Variants in PRKD1 observed in about 807,000 individuals in gnomAD.
PRKD1 encodes protein kinase D1.
In PRKD1, 63 loss-of-function variants were observed where a neutral mutation model predicts 95.9. The observed-to-expected ratio is 0.66, with a 90% CI of 0.54 to 0.81. The LOEUF (loss-of-function observed/expected upper bound fraction) is 0.81, where lower values mean the gene tolerates loss of function less well. Ranked by LOEUF, PRKD1 falls within the 30% of genes least tolerant of loss-of-function variation. PRKD1 has a pLI of 0.00. For synonymous variants in PRKD1, 425 were observed against 423.1 expected (o/e 1.00, Z -0.05); for missense variants, 1,048 against 1,165.3 (o/e 0.90, Z 1.47).
intron 2 of PRKD1, among the ~76,000 whole-genome samples, chr14:29,705,981 C>A (rs1464436515): frequency 6.6e-6 from 1 of 151,938 alleles, no homozygotes; most frequent in Non-Finnish European, 1.5e-5. Flanking sequence ...GGGTATAAAC[C>A]AAGAAGTAGA....
At chr14:29,859,937 T>C (rs982410806) in intron 1 of PRKD1, among the ~76,000 whole-genome samples, 1 of 152,248 alleles carries the variant, frequency 6.6e-6, no homozygotes, top group African/African-American at 2.4e-5. Flanking sequence ...TATTCACATA[T>C]ATCTGAATGA....
chr14:29,661,643 G>A (rs1426535379), intron 4 of PRKD1, among the ~76,000 whole-genome samples: 4 of 152,080 alleles, frequency 2.6e-5, no homozygotes, highest in Admixed American at 2.0e-4. Flanking sequence ...ACCCCATAAG[G>A]ACACAAAGGG....
At position 29,843,646 on chromosome 14, in the gene PRKD1, A is replaced by G. The variant is rs72660425; in HGVS notation, c.264+83603T>C. ...CAACAAACATTTATTGAGCATCTAT[A>G]CTATGTGCCAGGTACTATTCTATGA... On this transcript the variant is annotated intron_variant, in intron 1 of 17. Transcript: ENST00000331968. 5.1e-3 allele frequency among the ~76,000 whole-genome samples: 780 copies of G among 152,342 alleles called. 4 individuals are homozygous for G. The highest frequency in any genetic ancestry group is 0.021 in the South Asian group (103 of 4,832).
At chr14:29,871,150 T>C (rs1893092233) in intron 1 of PRKD1, among the ~76,000 whole-genome samples, 1 of 152,210 alleles carries the variant, frequency 6.6e-6, no homozygotes, top group Admixed American at 6.5e-5. Flanking sequence ...AGGGAGCCTC[T>C]GCTCAAAACT....
Position 29,638,584 on chromosome 14 carries a change from CAAACA to C in PRKD1, c.908-23_908-19del. On this transcript the variant is annotated intron_variant, in intron 5 of 17. Coordinates refer to ENST00000331968, the MANE Select transcript of PRKD1 (RefSeq NM_002742.3). ...TCTGCAATCTAATCCCAGTGATTTT[CAAACA>C]AAACAAAATGAGAATTTGTCATAAA... 6.2e-7 allele frequency: 1 copy of C among 1,613,904 alleles called. No individual in the cohort carries two copies. Among genetic ancestry groups the C allele is most frequent in the Non-Finnish European group, 8.5e-7 (1 of 1,179,816 alleles).
At chr14:29,684,228 G>A (rs1269818627) in intron 2 of PRKD1, among the ~76,000 whole-genome samples, 3 of 148,440 alleles carry the variant, frequency 2.0e-5, no homozygotes, top group Non-Finnish European at 3.0e-5. Flanking sequence ...TCGGCTCACT[G>A]CAACCTCTGC....
intron 15 of PRKD1, among the ~76,000 whole-genome samples, chr14:29,598,028 C>T (rs140971358): frequency 6.6e-5 from 10 of 152,166 alleles, no homozygotes; most frequent in Admixed American, 5.9e-4. Flanking sequence ...GTAATTCTAA[C>T]ATTTTGGGAG....
In PRKD1 at chr14:29,841,348, CG is replaced by C. The variant is rs1345269259; in HGVS notation, c.264+85900del. On this transcript the variant is annotated intron_variant, in intron 1 of 17. Coordinates refer to ENST00000331968, the MANE Select transcript of PRKD1 (RefSeq NM_002742.3). Reference sequence around the variant, plus strand: ...AAAGGACATGAGATTTTGGATGGGCCGGGGCAGAATTATATGGTTTGGTTGT... The same window carrying C: ...AAAGGACATGAGATTTTGGATGGGCCGGGCAGAATTATATGGTTTGGTTGT... Among the ~76,000 whole-genome samples, 5 of 152,054 alleles carry C rather than the reference CG, an allele frequency of 3.3e-5. No homozygotes were observed. The East Asian group carries it at 9.7e-4, about 29-fold the overall frequency.
At chr14:29,835,453 T>A (rs1423619178) in intron 1 of PRKD1, among the ~76,000 whole-genome samples, 1 of 152,218 alleles carries the variant, frequency 6.6e-6, no homozygotes, top group East Asian at 1.9e-4. Context: ...CAACTTTGAC[T>A]AAAAATTTGC....
At chr14:29,703,960 C>CTT (rs1175853793) in intron 2 of PRKD1, among the ~76,000 whole-genome samples, 2 of 152,176 alleles carry the variant, frequency 1.3e-5, no homozygotes, top group Admixed American at 6.5e-5. Flanking sequence ...CAAGCCAGTG[C>CTT]TTTCACTGGG....
intron 1 of PRKD1, among the ~76,000 whole-genome samples, chr14:29,779,579 A>C (rs1452634361): frequency 3.3e-5 from 5 of 152,192 alleles, no homozygotes; most frequent in Admixed American, 3.3e-4. Flanking sequence ...CCAACTTACA[A>C]GGGATGTGAA....
chr14:29,650,383 A>T (rs1191024617), intron 4 of PRKD1: 9 of 152,312 alleles, frequency 5.9e-5, no homozygotes, highest in Non-Finnish European at 8.8e-5. Context: ...CTGGAAGGGC[A>T]CCGGGACATG....
intron 1 of PRKD1, among the ~76,000 whole-genome samples, chr14:29,732,356 T>G (rs923132791): frequency 4.0e-5 from 6 of 149,658 alleles, no homozygotes; most frequent in Non-Finnish European, 9.0e-5. Flanking sequence ...GGTTTATTTG[T>G]ATAATTATCC....
intron 1 of PRKD1, among the ~76,000 whole-genome samples, chr14:29,758,290 G>A (rs913501459): frequency 3.3e-5 from 5 of 152,140 alleles, no homozygotes; most frequent in Non-Finnish European, 5.9e-5. Context: ...ATTATCAGCA[G>A]CAAGACTGAG....
In PRKD1 at chr14:29,881,572, T is replaced by C. The variant is rs148446526; in HGVS notation, c.264+45677A>G. Among the ~76,000 whole-genome samples the C allele has an allele frequency of 4.5e-3, 688 of 152,294 alleles. 9 individuals are homozygous for C. The highest frequency in any genetic ancestry group is 4.5e-3 in the Non-Finnish European group (304 of 68,022). On this transcript the variant is annotated intron_variant, in intron 1 of 17. Transcript: ENST00000331968. ...ATTTTGCTTTTTATTTTTTTTGTTT[T>C]GTTTTGCTTCTGGTTTGTTTTGTTG...
intron 1 of PRKD1, among the ~76,000 whole-genome samples, chr14:29,838,501 G>A (rs1449979497): frequency 1.3e-5 from 2 of 152,024 alleles, no homozygotes; most frequent in African/African-American, 4.8e-5. Flanking sequence ...ACATATAAGA[G>A]GTTTCCTTAG....
chr14:29,886,802 A>G (rs1893723135), intron 1 of PRKD1, among the ~76,000 whole-genome samples: 1 of 152,244 alleles, frequency 6.6e-6, no homozygotes. Flanking sequence ...CAAAAGGTAG[A>G]CTGAACAATT....
chr14:29,841,182 T>C (rs570160294), intron 1 of PRKD1, among the ~76,000 whole-genome samples: 1 of 152,354 alleles, frequency 6.6e-6, no homozygotes, highest in South Asian at 2.1e-4. Context: ...TACAGGCTCA[T>C]AGGCAGAAGA....
chr14:29,673,691 G>A (rs575058571), intron 2 of PRKD1, among the ~76,000 whole-genome samples: 1 of 152,266 alleles, frequency 6.6e-6, no homozygotes, highest in East Asian at 1.9e-4. Flanking sequence ...CAGTTCTAAG[G>A]CTCTACATTT....
Sources: gnomAD v4.1 joint callset for allele counts (sites outside exome capture counted in the v4.1 genomes callset) on GRCh38, gnomAD v4.1.1 for gene constraint, MANE v1.5 for transcripts, NCBI Gene and HGNC (gene_info 2026-07-23, HGNC 2026-07-21) for gene names.